The following DNAJC10 variants were observed in gnomAD, a reference collection of about 807,000 sequenced individuals.
DNAJC10 encodes DnaJ heat shock protein family (Hsp40) member C10, also known as endoplasmic reticulum disulfide reductase DNAJC10.
A neutral mutation model predicts 115.0 loss-of-function variants in DNAJC10; 101 were observed. The ratio of observed to expected loss-of-function variants is 0.88; its 90% CI spans 0.75 to 1.04. DNAJC10 has a LOEUF of 1.04. Ranked by LOEUF, DNAJC10 falls within the 50% of genes least tolerant of loss-of-function variation. The pLI is 0.00. For missense variants in DNAJC10, 981 were observed against 928.8 expected (o/e 1.06, Z -0.73); for synonymous variants, 307 against 301.5 (o/e 1.02, Z -0.19).
rs1210036274 is a variant in DNAJC10, at chr2:182,757,900, C to A, written c.1943+75C>A. ...ACACTTAACAGTTAAGTTACCTGAA[C>A]AAAATAAAAGTTAACCCAACAAATA... On this transcript the variant is annotated intron_variant, in intron 19 of 23. Coordinates refer to ENST00000264065, the MANE Select transcript of DNAJC10 (RefSeq NM_018981.4). The A allele has an allele frequency of 2.0e-5, 18 of 879,818 alleles. 1 individual carries two copies. The highest frequency in any genetic ancestry group is 3.7e-4 in the Middle Eastern group (1 of 2,690). 54.5% of individuals were successfully genotyped at this position (879,818 alleles called of 1,614,324 possible). A position where few individuals can be genotyped will look rare whatever the true frequency, so the allele number is the denominator to read the frequency against.
At chr2:182,723,220 AT>A (rs1693199517) in intron 5 of DNAJC10, among the ~76,000 whole-genome samples, 2 of 151,920 alleles carry the variant, frequency 1.3e-5, no homozygotes, top group South Asian at 4.2e-4. Context: ...TTGTATTTGT[AT>A]TTTTAGTAGA....
In DNAJC10 at chr2:182,791,804, T is replaced by C. The variant is rs1695055155; in HGVS notation, c.*14672T>C. 6.6e-6 allele frequency: 1 copy of C among 152,210 alleles called. No homozygotes were observed. The highest frequency in any genetic ancestry group is 2.4e-5 in the African/African-American group (1 of 41,466). 9.4% of individuals were successfully genotyped at this position (152,210 alleles called of 1,614,324 possible). A position where few individuals can be genotyped will look rare whatever the true frequency, so the allele number is the denominator to read the frequency against. On this transcript the variant is annotated 3_prime_UTR_variant, in exon 24 of 24. Transcript: ENST00000264065. ...CATGTTTCTAATACATGATAAGATT[T>C]GCAGTTATCGTTTAATTAATTGCAA...
At chr2:182,776,548 G>A (rs1694711459) in intron 23 of DNAJC10, among the ~76,000 whole-genome samples, 1 of 152,160 alleles carries the variant, frequency 6.6e-6, no homozygotes, top group South Asian at 2.1e-4. Context: ...TCAGCCTCTG[G>A]AAAGGGCTAG....
intron 22 of DNAJC10, among the ~76,000 whole-genome samples, chr2:182,763,793 A>T (rs1363381803): frequency 6.6e-6 from 1 of 152,134 alleles, no homozygotes; most frequent in Non-Finnish European, 1.5e-5. Context: ...CATCCAATGC[A>T]AGGTAAACTT....
chr2:182,762,196 G>C (rs1335217912), intron 21 of DNAJC10, among the ~76,000 whole-genome samples: 1 of 151,286 alleles, frequency 6.6e-6, no homozygotes, highest in Non-Finnish European at 1.5e-5. Context: ...GAAGCACTAT[G>C]ACAGAGGAAC....
Position 182,766,295 on chromosome 2 carries a change from C to G in DNAJC10, c.2265+3494C>G, listed in dbSNP as rs570332987. Among the ~76,000 whole-genome samples, 28 of 152,278 alleles carry G rather than the reference C, an allele frequency of 1.8e-4. No homozygotes were observed. In the South Asian group the frequency reaches 4.4e-3, roughly 24 times the overall value. On this transcript the variant is annotated intron_variant, in intron 22 of 23. Coordinates refer to ENST00000264065, the MANE Select transcript of DNAJC10 (RefSeq NM_018981.4). Reference sequence around the variant, plus strand: ...ATACTAGAGCATCACCTTGAGCATTCTTTTCTGATAAGGGACCAGGTAGCT... The same window carrying G: ...ATACTAGAGCATCACCTTGAGCATTGTTTTCTGATAAGGGACCAGGTAGCT...
intron 22 of DNAJC10, among the ~76,000 whole-genome samples, chr2:182,773,910 G>A (rs549505146): frequency 5.9e-5 from 9 of 152,278 alleles, no homozygotes; most frequent in East Asian, 1.9e-4. Flanking sequence ...GAGAAGAGGC[G>A]CTCTGATTTT....
At chr2:182,760,076 T>C (rs1385593097) in intron 21 of DNAJC10, among the ~76,000 whole-genome samples, 1 of 152,218 alleles carries the variant, frequency 6.6e-6, no homozygotes, top group African/African-American at 2.4e-5. Flanking sequence ...GTGTCTGATA[T>C]GAGCTCTATC....
Position 182,729,003 on chromosome 2 carries a change from T to A in DNAJC10, c.633+9T>A. ...TTTTTCGGTCTGGAATGGTAAGGGATAAAGTTAGCATTTTTTAAATTTGTG... is the reference window on the plus strand; with the variant it reads ...TTTTTCGGTCTGGAATGGTAAGGGAAAAAGTTAGCATTTTTTAAATTTGTG... On this transcript the variant is annotated intron_variant, in intron 7 of 23. Coordinates refer to ENST00000264065, the MANE Select transcript of DNAJC10 (RefSeq NM_018981.4). 6.2e-7 allele frequency: 1 copy of A among 1,613,102 alleles called. No homozygotes were observed. Among genetic ancestry groups the A allele is most frequent in the East Asian group, 2.2e-5 (1 of 44,852 alleles).
rs983135093 is a variant in DNAJC10, at chr2:182,786,999, AC to A, written c.*9869del. 1 of 152,228 alleles carries A rather than the reference AC, an allele frequency of 6.6e-6. No individual in the cohort carries two copies. The highest frequency in any genetic ancestry group is 2.4e-5 in the African/African-American group (1 of 41,414). 9.4% of individuals were successfully genotyped at this position (152,228 alleles called of 1,614,324 possible). ...CACGGTGAGAGCGAGCCATCTGTAAACCAACAAACAAGGCCCTCACCAGGCA... is the reference window on the plus strand; with the variant it reads ...CACGGTGAGAGCGAGCCATCTGTAAACAACAAACAAGGCCCTCACCAGGCA... On this transcript the variant is annotated 3_prime_UTR_variant, in exon 24 of 24. Coordinates refer to ENST00000264065, the MANE Select transcript of DNAJC10 (RefSeq NM_018981.4).
intron 7 of DNAJC10, 53 bp downstream of exon 7, chr2:182,729,047 A>G (rs1017510830): frequency 1.9e-6 from 3 of 1,557,944 alleles, no homozygotes; most frequent in East Asian, 2.2e-5. Context: ...TGACAAGTTA[A>G]ATAGTAGAGA....
At chr2:182,760,215 T>G (rs928677884) in intron 21 of DNAJC10, among the ~76,000 whole-genome samples, 2 of 152,280 alleles carry the variant, frequency 1.3e-5, no homozygotes, top group Non-Finnish European at 2.9e-5. Flanking sequence ...CATCTGTATT[T>G]TTTCTCCTCT....
chr2:182,771,010 C>A (rs902038653), intron 22 of DNAJC10, among the ~76,000 whole-genome samples: 1 of 152,138 alleles, frequency 6.6e-6, no homozygotes, highest in Non-Finnish European at 1.5e-5. Context: ...GAGTTTTTAG[C>A]ATGAAGGGCT....
chr2:182,758,374 A>G (rs1322503696), intron 19 of DNAJC10, among the ~76,000 whole-genome samples: 2 of 152,222 alleles, frequency 1.3e-5, no homozygotes, highest in African/African-American at 4.8e-5. Context: ...TAAGGTACAT[A>G]TGATGAATGT....
intron 10 of DNAJC10, among the ~76,000 whole-genome samples, chr2:182,734,123 TG>T (rs1360357600): frequency 1.3e-5 from 2 of 151,184 alleles, no homozygotes; most frequent in Non-Finnish European, 3.0e-5. Flanking sequence ...TTGATTTCAT[TG>T]ACTTAAGCAC....
At chr2:182,735,077 T>C (rs547781522) in intron 10 of DNAJC10, among the ~76,000 whole-genome samples, 2 of 151,878 alleles carry the variant, frequency 1.3e-5, no homozygotes, top group South Asian at 4.1e-4. Flanking sequence ...AGTTTTATAT[T>C]TGTCCTACCT....
chr2:182,775,214 T>C (rs369187288), intron 22 of DNAJC10, 102 bp from the exon 23 acceptor site: 8 of 762,672 alleles, frequency 1.0e-5, no homozygotes, highest in African/African-American at 5.3e-5. Context: ...ACTTCAAGTT[T>C]TGGAACAAAA....
At position 182,793,564 on chromosome 2, in the gene DNAJC10, T is replaced by C. The variant is rs1574970705; in HGVS notation, c.*16432T>C. On this transcript the variant is annotated 3_prime_UTR_variant, in exon 24 of 24. Transcript: ENST00000264065. ...AAAATTAAGTACAGAAATAGCTTGA[T>C]TGGTTACAGATAGGCATTTGCCTTA... is the stretch of plus-strand genomic sequence containing the variant. The C allele has an allele frequency of 6.6e-6, 1 of 152,134 alleles. No homozygotes were observed. The highest frequency in any genetic ancestry group is 2.4e-5 in the African/African-American group (1 of 41,420). The allele number at this position is 152,134 out of a possible 1,614,324, so 9.4% of individuals were successfully genotyped here. A position where few individuals can be genotyped will look rare whatever the true frequency, so the allele number is the denominator to read the frequency against.
rs1394389912 is a variant in DNAJC10 at position 182,790,330 on chromosome 2, T to C, written c.*13198T>C. The C allele has an allele frequency of 2.0e-5, 3 of 152,224 alleles. No homozygotes were observed. Among genetic ancestry groups the C allele is most frequent in the Non-Finnish European group, 4.4e-5 (3 of 68,036 alleles). The allele number at this position is 152,224 out of a possible 1,614,324, so 9.4% of individuals were successfully genotyped here. ...GTGCTAAATGCTTCTAGCTTATTCG[T>C]TTAGTTTACATGACTTTCTGCATGT... On this transcript the variant is annotated 3_prime_UTR_variant, in exon 24 of 24. Coordinates refer to ENST00000264065, the MANE Select transcript of DNAJC10 (RefSeq NM_018981.4).
Sources: allele counts gnomAD v4.1 joint callset (sites outside exome capture counted in the v4.1 genomes callset), GRCh38; gene constraint gnomAD v4.1.1; transcripts MANE v1.5; gene names NCBI Gene and HGNC (gene_info 2026-07-23, HGNC 2026-07-21).